MDN1: variants seen among roughly 807,000 people sequenced by gnomAD.
The protein encoded by MDN1 is midasin.
A neutral mutation model predicts 669.2 loss-of-function variants in MDN1; 266 were observed. The ratio of observed to expected loss-of-function variants is 0.40; its 90% CI spans 0.36 to 0.44. The LOEUF is 0.44. MDN1 is among the 20% of genes least tolerant of loss of function. The probability of loss-of-function intolerance (pLI) is 1.00; values close to 1 mark genes in which losing one functional copy is unlikely to be tolerated. For synonymous variants in MDN1, 2,385 were observed against 2,457.1 expected (o/e 0.97, Z 0.87); for missense variants, 5,940 against 6,754.0 (o/e 0.88, Z 4.22).
At chr6:89,645,423 A>C (rs1808432321) in intron 100 of MDN1, among the ~76,000 whole-genome samples, 1 of 152,220 alleles carries the variant, frequency 6.6e-6, no homozygotes, top group South Asian at 2.1e-4. Context: ...ATAGTGCTTC[A>C]AGAAATGTTA....
chr6:89,769,784 A>G (rs1431912879), intron 15 of MDN1, among the ~76,000 whole-genome samples: 2 of 152,218 alleles, frequency 1.3e-5, no homozygotes, highest in African/African-American at 4.8e-5. Context: ...CTGTTTACTC[A>G]CTATATTTAA....
In MDN1 at chr6:89,690,781, C is replaced by T. The variant is rs1487022729; in HGVS notation, c.10641G>A (p.Glu3547=). ...EQERIAQEKA[E]QESGLYRYRS... ...TGTATCTATACAGGCCGCTTTCCTG[C>T]TCAGCCTTCTCTTGGGCTATGCGTT... Residue 3547 remains glutamate, a synonymous_variant, in exon 64 of 102, where the codon GAG becomes GAA. Coordinates refer to ENST00000369393, the MANE Select transcript of MDN1 (RefSeq NM_014611.3). The T allele has an allele frequency of 6.2e-7, 1 of 1,614,162 alleles. No individual in the cohort carries two copies. Among genetic ancestry groups the T allele is most frequent in the African/African-American group, 1.3e-5 (1 of 75,046 alleles).
At chr6:89,699,774 G>T (rs1345389217) in intron 57 of MDN1, 47 bp from the exon 58 acceptor site, 2 of 1,592,450 alleles carry the variant, frequency 1.3e-6, no homozygotes, top group African/African-American at 1.3e-5. Flanking sequence ...GACTATCAAT[G>T]AACTACTGGA....
intron 1 of MDN1, 93 bp from the exon 2 acceptor site, chr6:89,803,647 T>A (rs1002216526): frequency 2.6e-5 from 24 of 916,964 alleles, no homozygotes; most frequent in Non-Finnish European, 3.5e-5. Context: ...AGTGGTGCAA[T>A]CTCAGCTCAC....
chr6:89,729,677 G>GTTTTTTTTTTTT lies in MDN1; in HGVS notation c.5141-550_5141-539dup, dbSNP rs35914010. On this transcript the variant is annotated intron_variant, in intron 35 of 101. Coordinates refer to ENST00000369393, the MANE Select transcript of MDN1 (RefSeq NM_014611.3). ...TGGAAGAAGTTTTTGTTTTGTTTTCGTTTTTTTTTTTTTTTTTTTTTGTAC... is the reference window on the plus strand; with the variant it reads ...TGGAAGAAGTTTTTGTTTTGTTTTCGTTTTTTTTTTTTTTTTTTTTTTTTTTTTTTTTTGTAC... 1.1e-3 allele frequency among the ~76,000 whole-genome samples: 114 copies of GTTTTTTTTTTTT among 100,764 alleles called. 2 individuals are homozygous for GTTTTTTTTTTTT. Among genetic ancestry groups the GTTTTTTTTTTTT allele is most frequent in the South Asian group, 1.5e-3 (4 of 2,690 alleles). The allele number at this position is 100,764 out of a possible 152,430, so 66.1% of individuals were successfully genotyped here.
Position 89,723,003 on chromosome 6 carries a change from C to G in MDN1, c.5919G>C (p.Val1973=), listed in dbSNP as rs749033973. ...TCATTCTTTCACCATAGACCAAAAA[C>G]ACATGCTGACCAGGATCATAACACC... The part of the protein sequence containing the change: ...SPGCYDPGQH[V]FLVYGERMRT... Residue 1973 remains valine (V), a synonymous_variant, in exon 40 of 102, where the codon GTG becomes GTC. Transcript: ENST00000369393. 3.1e-6 allele frequency: 5 copies of G among 1,613,964 alleles called. No homozygotes were observed. In the South Asian group the frequency reaches 5.5e-5, roughly 18 times the overall value.
chr6:89,741,141 A>G (rs1433393751), intron 31 of MDN1, among the ~76,000 whole-genome samples: 1 of 152,226 alleles, frequency 6.6e-6, no homozygotes, highest in Non-Finnish European at 1.5e-5. Flanking sequence ...CTGAGGCACA[A>G]GAATCACTTG....
chr6:89,815,355 G>A (rs1223901361), intron 1 of MDN1: 2 of 461,048 alleles, frequency 4.3e-6, no homozygotes, highest in Non-Finnish European at 4.3e-6. Context: ...TGGCGGAAGA[G>A]AGTGGTGAAA....
At chr6:89,649,694 A>G (rs1417411120) in intron 97 of MDN1, among the ~76,000 whole-genome samples, 1 of 152,208 alleles carries the variant, frequency 6.6e-6, no homozygotes, top group African/African-American at 2.4e-5. Flanking sequence ...TTTCTGCAAA[A>G]CAAGCACTAT....
intron 50 of MDN1, among the ~76,000 whole-genome samples, chr6:89,709,743 T>C (rs7746797): frequency 0.89 from 135,174 of 152,210 alleles, 60,341 homozygotes; most frequent in East Asian, 1. Context: ...GCCCATTTTC[T>C]TCATTAATGC....
chr6:89,673,924 G>C (rs1034824902), intron 79 of MDN1, among the ~76,000 whole-genome samples, 180 bp downstream of exon 79: 19 of 152,012 alleles, frequency 1.2e-4, no homozygotes, highest in African/African-American at 4.6e-4. Context: ...CTCAGAACCT[G>C]CAGATGACAC....
chr6:89,713,121 G>C (rs1043490539), intron 47 of MDN1, 27 bp downstream of exon 47: 2 of 1,597,490 alleles, frequency 1.3e-6, no homozygotes, highest in East Asian at 2.2e-5. Context: ...TTACAACTTA[G>C]AAACATTCTG....
intron 72 of MDN1, 27 bp from the exon 73 acceptor site, chr6:89,683,357 G>C: frequency 1.9e-6 from 3 of 1,600,594 alleles, no homozygotes; most frequent in Non-Finnish European, 2.6e-6. Context: ...ACAGAGATAA[G>C]AAGAAAAAAA....
rs376025262 is a variant in MDN1 at position 89,676,189 on chromosome 6, C to T, written c.12558G>A (p.Ser4186=). ...ACTTCTGGCATCCATCCCATGAAGA[C>T]GAGATTTCTGTAAGCAGCCTGGAAA... is the stretch of plus-strand genomic sequence containing the variant. ...EADSRLLTEI[S]SSWDGCQKYF... is the part of the protein sequence containing the mutation. The change falls in exon 77 of 102, where the codon TCG becomes TCA. Residue 4186 remains serine (S), a synonymous_variant. Transcript: ENST00000369393. 60 of 1,614,134 alleles carry T rather than the reference C, an allele frequency of 3.7e-5. No homozygotes were observed. Among genetic ancestry groups the T allele is most frequent in the African/African-American group, 1.6e-4 (12 of 75,022 alleles).
chr6:89,759,041 GA>G, intron 17 of MDN1, 81 bp from the exon 18 acceptor site: 1 of 1,401,264 alleles, frequency 7.1e-7, no homozygotes, highest in Non-Finnish European at 9.9e-7. Context: ...AGCAGGGTTA[GA>G]AATAGAGGCG....
intron 33 of MDN1, among the ~76,000 whole-genome samples, chr6:89,736,876 G>C (rs1816006940): frequency 6.6e-6 from 1 of 152,186 alleles, no homozygotes. Flanking sequence ...CAGCACACAA[G>C]AGTCATGGGT....
chr6:89,754,450 G>A (rs1266520214), intron 20 of MDN1, among the ~76,000 whole-genome samples: 1 of 152,082 alleles, frequency 6.6e-6, no homozygotes, highest in Non-Finnish European at 1.5e-5. Context: ...CTATTTCCTT[G>A]GGGAAACTGG....
intron 37 of MDN1, among the ~76,000 whole-genome samples, chr6:89,726,683 C>G (rs914985347): frequency 2.6e-5 from 4 of 152,086 alleles, no homozygotes; most frequent in African/African-American, 9.7e-5. Flanking sequence ...ACAAGGGGCT[C>G]TTGTGCCAGG....
intron 33 of MDN1, among the ~76,000 whole-genome samples, chr6:89,736,378 A>T (rs757437012): frequency 2.6e-5 from 4 of 152,230 alleles, no homozygotes; most frequent in African/African-American, 9.6e-5. Context: ...TGTCATTCTT[A>T]TCACAATCCA....
Sources: allele counts gnomAD v4.1 joint callset (sites outside exome capture counted in the v4.1 genomes callset), GRCh38; gene constraint gnomAD v4.1.1; transcripts MANE v1.5; gene names NCBI Gene and HGNC (gene_info 2026-07-23, HGNC 2026-07-21).